Variants in ITSN2 observed in about 807,000 individuals in gnomAD.
The protein encoded by ITSN2 is intersectin 2, also known as intersectin-2.
Under a neutral mutation model 243.7 loss-of-function variants are expected in ITSN2, and 156 were observed. That is an observed-to-expected ratio of 0.64 (90% CI 0.56 to 0.73). ITSN2 has a LOEUF of 0.73. Among genes scored for constraint, ITSN2 ranks in the 30% least tolerant of loss-of-function variants. The probability of loss-of-function intolerance (pLI) is 0.00; values close to 1 mark genes in which losing one functional copy is unlikely to be tolerated. For missense variants in ITSN2, 1,801 were observed against 1,996.1 expected (o/e 0.90, Z 1.86); for synonymous variants, 703 against 699.9 (o/e 1.00, Z -0.07).
At chr2:24,261,803 A>T in intron 20 of ITSN2, 61 bp from the exon 21 acceptor site, 2 of 1,262,782 alleles carry the variant, frequency 1.6e-6, no homozygotes, top group East Asian at 2.4e-5. Context: ...CAATGGAAAG[A>T]GATGAAAACT....
chr2:24,330,931 TAATTTTTG>T (rs1244033985), intron 1 of ITSN2, among the ~76,000 whole-genome samples: 1 of 151,604 alleles, frequency 6.6e-6, no homozygotes, highest in Non-Finnish European at 1.5e-5. Context: ...CACACCTGGC[TAATTTTTG>T]TATTTTTAGC....
chr2:24,231,416 A>G (rs1442748993), intron 29 of ITSN2, among the ~76,000 whole-genome samples: 2 of 152,344 alleles, frequency 1.3e-5, no homozygotes, highest in East Asian at 3.9e-4. Flanking sequence ...AGTCAGAGAA[A>G]TTGATGAAAA....
At chr2:24,261,834 T>C (rs1357992171) in intron 20 of ITSN2, 92 bp from the exon 21 acceptor site, 1 of 953,004 alleles carries the variant, frequency 1.0e-6, no homozygotes, top group Non-Finnish European at 1.5e-6. Context: ...ATTCTCATTT[T>C]CAGAATTAAG....
At chr2:24,337,315 A>AATATATATATATACATATATATAC (rs1278959952) in intron 1 of ITSN2, among the ~76,000 whole-genome samples, 1 of 32,026 alleles carries the variant, frequency 3.1e-5, no homozygotes, top group African/African-American at 1.1e-4. Context: ...GTATACACAA[A>AATATATATATATACATATATATAC]ATATATATAT....
chr2:24,243,816 T>A (rs1357793129), intron 29 of ITSN2, among the ~76,000 whole-genome samples: 1 of 152,206 alleles, frequency 6.6e-6, no homozygotes, highest in Admixed American at 6.5e-5. Context: ...TGCTGTCTAA[T>A]ACAGGAGCCA....
intron 1 of ITSN2, among the ~76,000 whole-genome samples, chr2:24,359,262 TAAG>T (rs1688728530): frequency 6.6e-6 from 1 of 152,206 alleles, no homozygotes; most frequent in Admixed American, 6.5e-5. Flanking sequence ...TCGAAACGCT[TAAG>T]AAGCTTTAAA....
Position 24,300,037 on chromosome 2 carries a change from G to A in ITSN2, c.1216C>T (p.Arg406Ter), listed in dbSNP as rs1258919694. Reference protein sequence around the residue: ...KAQKEKEEWERKQRELQEQEW... With the variant: ...KAQKEKEEWE ...TGTTCTTGTAATTCTCTCTGTTTTC[G>A]TTCCCACTCTTCCTTTTCTTTCTGG... Residue 406 changes from arginine (R) to a stop codon, truncating the protein, a stop_gained, in exon 12 of 40, where the codon CGA (arginine) becomes TGA (stop). Transcript: ENST00000355123. LOFTEE classifies it high-confidence loss of function. 4 of 1,613,508 alleles carry A rather than the reference G, an allele frequency of 2.5e-6. No individual in the cohort carries two copies. Among genetic ancestry groups the A allele is most frequent in the Non-Finnish European group, 3.4e-6 (4 of 1,179,940 alleles).
At chr2:24,314,182 G>A (rs1196859392) in intron 3 of ITSN2, among the ~76,000 whole-genome samples, 1 of 152,162 alleles carries the variant, frequency 6.6e-6, no homozygotes, top group East Asian at 1.9e-4. Flanking sequence ...AAAGGAAACA[G>A]AAAGATAGAT....
At chr2:24,255,147 T>C (rs1674849010) in intron 23 of ITSN2, among the ~76,000 whole-genome samples, 3 of 152,346 alleles carry the variant, frequency 2.0e-5, no homozygotes, top group Admixed American at 6.5e-5. Context: ...ACTGAATGCA[T>C]AGTTAGAAGA....
chr2:24,278,645 CTTTTT>C (rs908928502), intron 17 of ITSN2, among the ~76,000 whole-genome samples: 2 of 103,008 alleles, frequency 1.9e-5, no homozygotes, highest in Non-Finnish European at 1.8e-5. Flanking sequence ...TGTTCTCAAT[CTTTTT>C]TTTTTTTTTT....
chr2:24,308,819 T>A, intron 7 of ITSN2, 63 bp from the exon 8 acceptor site: 2 of 951,426 alleles, frequency 2.1e-6, no homozygotes, highest in Non-Finnish European at 2.8e-6. Flanking sequence ...TTAAATTTTA[T>A]AAGACCAAGG....
chr2:24,286,426 G>T, intron 15 of ITSN2, 75 bp from the exon 16 acceptor site: 1 of 1,305,144 alleles, frequency 7.7e-7, no homozygotes, highest in Non-Finnish European at 1.1e-6. Flanking sequence ...TTTACTGTTT[G>T]GTCAGATTGA....
chr2:24,339,378 G>T (rs1399110954), intron 1 of ITSN2, among the ~76,000 whole-genome samples: 2 of 151,926 alleles, frequency 1.3e-5, no homozygotes, highest in Non-Finnish European at 2.9e-5. Flanking sequence ...AGCTGAGGTG[G>T]GAGGGTCACT....
At chr2:24,313,267 C>G (rs1489893080) in intron 4 of ITSN2, among the ~76,000 whole-genome samples, 193 bp downstream of exon 4, 2 of 151,072 alleles carry the variant, frequency 1.3e-5, no homozygotes, top group Non-Finnish European at 3.0e-5. Flanking sequence ...TTTTAATTTT[C>G]TGTAGAGACA....
At chr2:24,218,101 T>G in intron 30 of ITSN2, 88 bp from the exon 31 acceptor site, 1 of 802,354 alleles carries the variant, frequency 1.2e-6, no homozygotes. Context: ...CTTCATAAAC[T>G]GAAACTAATC....
rs1443417583 is a variant in ITSN2, at chr2:24,310,280, A to T, written c.653+4T>A. Reference sequence around the variant, plus strand: ...AAAAAGTTGTCAGAGTTAGCTATTCATACCTACTAGATCCTAAATCAATCA... The same window carrying T: ...AAAAAGTTGTCAGAGTTAGCTATTCTTACCTACTAGATCCTAAATCAATCA... On this transcript the variant is annotated splice_donor_region_variant and intron_variant, in intron 7 of 39. Transcript: ENST00000355123. 6.3e-7 allele frequency: 1 copy of T among 1,591,296 alleles called. No individual in the cohort carries two copies. The highest frequency in any genetic ancestry group is 1.3e-5 in the African/African-American group (1 of 74,170).
chr2:24,243,517 G>GGTCT (rs1256554188), intron 29 of ITSN2, among the ~76,000 whole-genome samples: 19 of 152,066 alleles, frequency 1.2e-4, no homozygotes, highest in Non-Finnish European at 1.0e-4. Context: ...TTTGAGACAG[G>GGTCT]GTCTCACTCT....
intron 29 of ITSN2, among the ~76,000 whole-genome samples, chr2:24,234,165 T>C (rs1017801803): frequency 3.3e-5 from 5 of 150,824 alleles, no homozygotes; most frequent in Non-Finnish European, 2.9e-5. Context: ...AGCCCAGAAA[T>C]AGACCCATAT....
At chr2:24,242,632 T>G (rs564560481) in intron 29 of ITSN2, among the ~76,000 whole-genome samples, 7 of 152,314 alleles carry the variant, frequency 4.6e-5, no homozygotes, top group African/African-American at 1.7e-4. Flanking sequence ...CAATTATGAT[T>G]CTTCAATTTC....
Sources: allele counts gnomAD v4.1 joint callset (sites outside exome capture counted in the v4.1 genomes callset), GRCh38; gene constraint gnomAD v4.1.1; transcripts MANE v1.5; gene names NCBI Gene and HGNC (gene_info 2026-07-23, HGNC 2026-07-21).